UQCC1: variants seen among roughly 807,000 people sequenced by gnomAD.
The protein encoded by UQCC1 is ubiquinol-cytochrome c reductase complex assembly factor 1.
In UQCC1, 38 loss-of-function variants were observed where a neutral mutation model predicts 48.0. The observed-to-expected ratio is 0.79, with a 90% CI of 0.61 to 1.04. The LOEUF (loss-of-function observed/expected upper bound fraction) is 1.04, where lower values mean the gene tolerates loss of function less well. UQCC1 is among the 50% of genes least tolerant of loss of function. UQCC1 has a pLI of 0.00. For missense variants in UQCC1, 368 were observed against 381.8 expected, an observed-to-expected ratio of 0.96 and a Z score of 0.30; for synonymous variants, 111 against 129.2, an observed-to-expected ratio of 0.86 and a Z score of 0.95.
intron 7 of UQCC1, among the ~76,000 whole-genome samples, chr20:35,343,378 G>C (rs1387926777): frequency 6.6e-6 from 1 of 152,098 alleles, no homozygotes; most frequent in Non-Finnish European, 1.5e-5. Flanking sequence ...GGCCAGACTG[G>C]CTCTACACTG....
intron 4 of UQCC1, among the ~76,000 whole-genome samples, chr20:35,375,368 G>A (rs1236091664): frequency 4.6e-5 from 7 of 152,078 alleles, no homozygotes; most frequent in African/African-American, 9.7e-5. Context: ...GAATGATTAC[G>A]TCTCTGATTG....
intron 1 of UQCC1, among the ~76,000 whole-genome samples, chr20:35,399,924 CCT>C (rs1491552603): frequency 7.0e-6 from 1 of 141,868 alleles, no homozygotes; most frequent in Non-Finnish European, 1.5e-5. Context: ...TCTACTCAGT[CCT>C]TTTTTTTTTT....
At chr20:35,380,947 C>T (rs1193090128) in intron 4 of UQCC1, among the ~76,000 whole-genome samples, 2 of 152,174 alleles carry the variant, frequency 1.3e-5, no homozygotes, top group East Asian at 1.9e-4. Flanking sequence ...CTAAAAACTC[C>T]AAACGTTTTA....
intron 7 of UQCC1, among the ~76,000 whole-genome samples, chr20:35,321,082 C>T (rs1057026755): frequency 2.0e-5 from 3 of 152,102 alleles, no homozygotes; most frequent in Non-Finnish European, 2.9e-5. Flanking sequence ...GAAATTAGCC[C>T]ACTGTGGAAT....
rs572802438 is a variant in UQCC1 at position 35,324,814 on chromosome 20, G to C, written c.574-10049C>G. Among the ~76,000 whole-genome samples, 7 of 152,298 alleles carry C rather than the reference G, an allele frequency of 4.6e-5. No individual in the cohort carries two copies. In the South Asian group the frequency reaches 1.5e-3, roughly 32 times the overall value. ...AGGCTGAACATAGAACTACCATATA[G>C]CCCAGCAATCCCATTCCTAACTATA... On this transcript the variant is annotated intron_variant, in intron 7 of 9. Coordinates refer to ENST00000374385, the MANE Select transcript of UQCC1 (RefSeq NM_018244.5).
At chr20:35,368,712 T>C (rs897036312) in intron 5 of UQCC1, among the ~76,000 whole-genome samples, 1 of 152,196 alleles carries the variant, frequency 6.6e-6, no homozygotes, top group African/African-American at 2.4e-5. Context: ...ATTAACAAGC[T>C]AGTGGCAGGG....
At chr20:35,340,380 A>T (rs1484216542) in intron 7 of UQCC1, among the ~76,000 whole-genome samples, 1 of 152,230 alleles carries the variant, frequency 6.6e-6, no homozygotes, top group African/African-American at 2.4e-5. Flanking sequence ...TCTCTCCCCT[A>T]ATAACTGACT....
At chr20:35,313,860 G>A (rs536262148) in intron 8 of UQCC1, among the ~76,000 whole-genome samples, 16 of 151,714 alleles carry the variant, frequency 1.1e-4, no homozygotes, top group Admixed American at 7.9e-4. Flanking sequence ...CACCCACCTC[G>A]GCCTCCCAAG....
At chr20:35,389,038 C>T (rs1196126751) in intron 2 of UQCC1, among the ~76,000 whole-genome samples, 5 of 151,696 alleles carry the variant, frequency 3.3e-5, no homozygotes, top group Non-Finnish European at 7.4e-5. Flanking sequence ...TGCACTCCCA[C>T]CTGGGCAACA....
intron 1 of UQCC1, among the ~76,000 whole-genome samples, chr20:35,403,138 CA>C (rs988148622): frequency 1.1e-4 from 16 of 151,324 alleles, no homozygotes; most frequent in Non-Finnish European, 2.1e-4. Flanking sequence ...TCTGAGCTTT[CA>C]AAAGATTGAT....
At chr20:35,400,491 A>T (rs1373160962) in intron 1 of UQCC1, among the ~76,000 whole-genome samples, 16 of 150,002 alleles carry the variant, frequency 1.1e-4, no homozygotes, top group Non-Finnish European at 1.6e-4. Flanking sequence ...CAAAAAAAAA[A>T]TTTTTTTCTT....
Position 35,382,648 on chromosome 20 carries a change from G to GACT in UQCC1, c.226-624_226-623insAGT, listed in dbSNP as rs539508767. Among the ~76,000 whole-genome samples the GACT allele has an allele frequency of 5.6e-4, 84 of 150,952 alleles. No individual in the cohort carries two copies. In the South Asian group the frequency reaches 5.9e-3, roughly 11 times the overall value. Reference sequence around the variant, plus strand: ...CTGCCTCAGCCTCCCGAGTAGCTGGGACAGGCACCCACCACCACGCCCGGC... The same window carrying GACT: ...CTGCCTCAGCCTCCCGAGTAGCTGGGACTACAGGCACCCACCACCACGCCCGGC... On this transcript the variant is annotated intron_variant, in intron 3 of 9. Coordinates refer to ENST00000374385, the MANE Select transcript of UQCC1 (RefSeq NM_018244.5).
chr20:35,309,467 G>A (rs1044539342), intron 8 of UQCC1, among the ~76,000 whole-genome samples: 6 of 151,804 alleles, frequency 4.0e-5, no homozygotes, highest in East Asian at 1.9e-4. Flanking sequence ...ATAAATCAAC[G>A]AACACAACTT....
intron 2 of UQCC1, among the ~76,000 whole-genome samples, chr20:35,388,780 C>T (rs763871137): frequency 2.4e-4 from 36 of 152,128 alleles, no homozygotes; most frequent in Admixed American, 5.9e-4. Context: ...TAGAAGGAAT[C>T]GGGGCTGGGT....
intron 6 of UQCC1, among the ~76,000 whole-genome samples, chr20:35,357,285 C>A (rs2061556156): frequency 6.6e-6 from 1 of 151,986 alleles, no homozygotes. Flanking sequence ...CTTTGGGAGG[C>A]TGAGGCAGGC....
chr20:35,397,578 G>T (rs750708476), intron 1 of UQCC1, among the ~76,000 whole-genome samples: 59 of 150,672 alleles, frequency 3.9e-4, no homozygotes, highest in Non-Finnish European at 6.6e-4. Context: ...TAAACATGTA[G>T]ACTTTTTTTT....
chr20:35,372,382 T>C (rs575828989), intron 5 of UQCC1, among the ~76,000 whole-genome samples: 4 of 152,240 alleles, frequency 2.6e-5, no homozygotes, highest in Admixed American at 2.6e-4. Flanking sequence ...AAAAATATTT[T>C]TTCCTTTTGG....
chr20:35,400,150 T>C (rs2062142205), intron 1 of UQCC1, among the ~76,000 whole-genome samples: 1 of 151,968 alleles, frequency 6.6e-6, no homozygotes, highest in Admixed American at 6.6e-5. Context: ...GGTCTCAAAC[T>C]CCTGATCTCA....
intron 6 of UQCC1, among the ~76,000 whole-genome samples, chr20:35,359,244 G>A (rs188662611): frequency 1.3e-5 from 2 of 152,240 alleles, no homozygotes; most frequent in African/African-American, 4.8e-5. Context: ...CATTATAACT[G>A]TCCCCGTTTC....
Sources: allele counts gnomAD v4.1 joint callset (sites outside exome capture counted in the v4.1 genomes callset), GRCh38; gene constraint gnomAD v4.1.1; transcripts MANE v1.5; gene names NCBI Gene and HGNC (gene_info 2026-07-23, HGNC 2026-07-21).